VEPH1: variants seen among roughly 807,000 people sequenced by gnomAD.
The protein encoded by VEPH1 is ventricular zone expressed PH domain containing 1.
A neutral mutation model predicts 85.2 loss-of-function variants in VEPH1; 80 were observed. The observed-to-expected ratio is 0.94, with a 90% CI of 0.78 to 1.13. The LOEUF (loss-of-function observed/expected upper bound fraction) is 1.13, where lower values mean the gene tolerates loss of function less well. Ranked by LOEUF, VEPH1 falls within the 50% of genes most tolerant of loss-of-function variation. The pLI is 0.00. For missense variants in VEPH1, 955 were observed against 980.5 expected, an observed-to-expected ratio of 0.97 and a Z score of 0.35; for synonymous variants, 297 against 348.0, an observed-to-expected ratio of 0.85 and a Z score of 1.63.
chr3:157,368,901 A>T (rs1727066061), intron 7 of VEPH1, among the ~76,000 whole-genome samples: 1 of 152,058 alleles, frequency 6.6e-6, no homozygotes, highest in African/African-American at 2.4e-5. Flanking sequence ...TTTGTTATTT[A>T]ACTGAAATTC....
chr3:157,450,758 G>A (rs1042317502), intron 4 of VEPH1, among the ~76,000 whole-genome samples: 1 of 152,046 alleles, frequency 6.6e-6, no homozygotes, highest in African/African-American at 2.4e-5. Context: ...CTTTTGCAGT[G>A]TGGAATTATA....
intron 6 of VEPH1, among the ~76,000 whole-genome samples, chr3:157,404,995 C>CT (rs1259752426): frequency 6.6e-6 from 1 of 152,200 alleles, no homozygotes; most frequent in East Asian, 1.9e-4. Context: ...AGGGCACTTA[C>CT]TAAGTGGTGG....
rs1242858260 is a variant in VEPH1, at chr3:157,428,341, G to A, written c.677C>T (p.Ala226Val). The change falls in exon 5 of 14, where the codon GCA becomes GTA. Residue 226 changes from alanine to valine, a missense_variant. Transcript: ENST00000362010. ...YHLLRLLHVAAKKKQLEVVQK... is the reference protein window; with the variant it reads ...YHLLRLLHVAVKKKQLEVVQK... ...TTTTACCTCGAGTTGTTTTTTCTTT[G>A]CTGCTACATGCAAAAGCCGTAGTAG... 6.3e-7 allele frequency: 1 copy of A among 1,599,888 alleles called. No homozygotes were observed. The highest frequency in any genetic ancestry group is 8.5e-7 in the Non-Finnish European group (1 of 1,171,950).
rs569568470 is a variant in VEPH1, at chr3:157,386,342, G to A, written c.907-4966C>T. Among the ~76,000 whole-genome samples the A allele has an allele frequency of 2.8e-5, 4 of 145,086 alleles. No homozygotes were observed. The East Asian group carries it at 8.4e-4, about 30-fold the overall frequency. ...TTCTTAAGATAACCACTGAATTTCT[G>A]TATTTCAATCAGCAGCATAAGTGCC... On this transcript the variant is annotated intron_variant, in intron 6 of 13. Transcript: ENST00000362010.
intron 4 of VEPH1, among the ~76,000 whole-genome samples, chr3:157,441,037 G>T (rs973269218): frequency 3.9e-5 from 6 of 152,218 alleles, no homozygotes; most frequent in African/African-American, 1.4e-4. Flanking sequence ...CAGACTTGCA[G>T]AATATTAGGA....
rs375788092 is a variant in VEPH1, at chr3:157,286,541, G to C, written c.2128+16C>G. 1.9e-5 allele frequency: 31 copies of C among 1,604,496 alleles called. No individual in the cohort carries two copies. Among genetic ancestry groups the C allele is most frequent in the Non-Finnish European group, 2.6e-5 (30 of 1,171,376 alleles). On this transcript the variant is annotated intron_variant, in intron 12 of 13. Transcript: ENST00000362010. ...GGGGCACAAATGGTTCTTAGCAGCAGGTAAGGGTCTCTCACCAGTTGCTTT... is the reference window on the plus strand; with the variant it reads ...GGGGCACAAATGGTTCTTAGCAGCACGTAAGGGTCTCTCACCAGTTGCTTT...
intron 7 of VEPH1, among the ~76,000 whole-genome samples, chr3:157,375,266 GC>G (rs1429036953): frequency 6.6e-6 from 1 of 152,138 alleles, no homozygotes; most frequent in Non-Finnish European, 1.5e-5. Context: ...GAAGAACTTG[GC>G]CCCCTGTTCT....
intron 9 of VEPH1, among the ~76,000 whole-genome samples, chr3:157,343,762 G>A (rs917711403): frequency 6.6e-5 from 10 of 152,164 alleles, no homozygotes; most frequent in South Asian, 4.1e-4. Context: ...GATGAACATC[G>A]ACGCAAAAAT....
At chr3:157,499,994 T>C (rs1474745591) in intron 1 of VEPH1, among the ~76,000 whole-genome samples, 2 of 152,184 alleles carry the variant, frequency 1.3e-5, no homozygotes, top group Non-Finnish European at 2.9e-5. Flanking sequence ...TAGAGTAAAA[T>C]TGTTGAAAGT....
chr3:157,311,073 A>G (rs1313880592), intron 11 of VEPH1, among the ~76,000 whole-genome samples: 1 of 152,260 alleles, frequency 6.6e-6, no homozygotes, highest in African/African-American at 2.4e-5. Context: ...TGTATTATTT[A>G]GAGAGCCTAG....
At chr3:157,437,919 G>A (rs936172440) in intron 4 of VEPH1, 21 of 1,528,246 alleles carry the variant, frequency 1.4e-5, no homozygotes, top group Middle Eastern at 4.6e-4. Context: ...CGGCAGGTAA[G>A]GAGGCAAGCG....
intron 4 of VEPH1, among the ~76,000 whole-genome samples, chr3:157,453,466 C>G (rs62278650): frequency 1.3e-5 from 2 of 152,086 alleles, no homozygotes; most frequent in East Asian, 1.9e-4. Flanking sequence ...TAATACAGTA[C>G]CTGGCATCAG....
At chr3:157,383,118 C>T (rs570638891) in intron 6 of VEPH1, among the ~76,000 whole-genome samples, 3 of 152,280 alleles carry the variant, frequency 2.0e-5, no homozygotes, top group South Asian at 2.1e-4. Context: ...CGTGAGCCAC[C>T]GTGTCCAGCC....
intron 9 of VEPH1, among the ~76,000 whole-genome samples, chr3:157,317,625 C>T (rs959819076): frequency 6.6e-5 from 10 of 152,122 alleles, no homozygotes; most frequent in African/African-American, 2.4e-4. Flanking sequence ...GTGCAGGGGC[C>T]TCAGAGATAG....
At chr3:157,480,034 C>CT (rs11380437) in intron 2 of VEPH1, among the ~76,000 whole-genome samples, 91,625 of 146,814 alleles carry the variant, frequency 0.62, 28,887 homozygotes, top group African/African-American at 0.68. Context: ...TTCTTTCATT[C>CT]TTTTTTTCTT....
chr3:157,271,331 G>A (rs891886959), intron 12 of VEPH1, among the ~76,000 whole-genome samples: 1 of 152,188 alleles, frequency 6.6e-6, no homozygotes, highest in African/African-American at 2.4e-5. Flanking sequence ...TCAATGATGT[G>A]TCAGGCAGGG....
At chr3:157,462,812 C>T (rs1009849677) in intron 3 of VEPH1, among the ~76,000 whole-genome samples, 4 of 152,168 alleles carry the variant, frequency 2.6e-5, no homozygotes, top group Admixed American at 1.3e-4. Flanking sequence ...GCATCTCTAC[C>T]TTTTGTCTTA....
chr3:157,405,048 C>A (rs1452136180), intron 6 of VEPH1, among the ~76,000 whole-genome samples: 1 of 152,084 alleles, frequency 6.6e-6, no homozygotes, highest in Non-Finnish European at 1.5e-5. Flanking sequence ...CCCTCACAGA[C>A]ACCAGTGTAG....
At chr3:157,380,435 A>ACTTCATC (rs1332727200) in intron 7 of VEPH1, among the ~76,000 whole-genome samples, 1 of 152,190 alleles carries the variant, frequency 6.6e-6, no homozygotes. Flanking sequence ...CCTGCCTACC[A>ACTTCATC]CTTCATCAGC....
Sources: allele counts gnomAD v4.1 joint callset (sites outside exome capture counted in the v4.1 genomes callset), GRCh38; gene constraint gnomAD v4.1.1; transcripts MANE v1.5; gene names NCBI Gene and HGNC (gene_info 2026-07-23, HGNC 2026-07-21).